Variants in ANKRD42 observed in about 807,000 individuals in gnomAD.
ANKRD42 encodes ankyrin repeat domain-containing protein 42.
In ANKRD42, 43 loss-of-function variants were observed where a neutral mutation model predicts 51.5. The observed-to-expected ratio is 0.83, with a 90% confidence interval of 0.65 to 1.08. The LOEUF (loss-of-function observed/expected upper bound fraction) is 1.08, where lower values mean the gene tolerates loss of function less well. Among genes scored for constraint, ANKRD42 ranks in the 50% least tolerant of loss-of-function variants. The pLI, the probability that ANKRD42 is intolerant of heterozygous loss-of-function variation, is 0.00. For missense variants in ANKRD42, 608 were observed against 629.3 expected (o/e 0.97, Z 0.36); for synonymous variants, 203 against 213.0 (o/e 0.95, Z 0.41).
intron 11 of ANKRD42, chr11:83,255,769 G>A: frequency 8.9e-7 from 1 of 1,117,896 alleles, no homozygotes. Context: ...TTTTTCTTTT[G>A]AACAGGCAAT....
chr11:83,203,072 A>G (rs1449570068), intron 2 of ANKRD42, among the ~76,000 whole-genome samples: 1 of 149,292 alleles, frequency 6.7e-6, no homozygotes, highest in African/African-American at 2.5e-5. Flanking sequence ...GTTCACTGCA[A>G]CCTCTGCCTC....
rs545397294 is a variant in ANKRD42, at chr11:83,206,419, A to C, written c.330+254A>C. ...GAGATCTCACAGTCATAACCAGATT[A>C]TCTCTTTTATAGCTTGCTGCTGTGG... On this transcript the variant is annotated intron_variant, in intron 3 of 10. Transcript: ENST00000533342. Among the ~76,000 whole-genome samples, 3 of 152,300 alleles carry C rather than the reference A, an allele frequency of 2.0e-5. No individual in the cohort carries two copies. In the South Asian group the frequency reaches 6.2e-4, roughly 32 times the overall value.
intron 10 of ANKRD42, among the ~76,000 whole-genome samples, chr11:83,245,920 T>C (rs1156994505): frequency 6.6e-6 from 1 of 152,246 alleles, no homozygotes; most frequent in Non-Finnish European, 1.5e-5. Context: ...ACTGACATTC[T>C]AACATAGTCT....
chr11:83,240,835 G>C lies in ANKRD42; in HGVS notation c.1096G>C (p.Glu366Gln). 5 of 1,614,120 alleles carry C rather than the reference G, an allele frequency of 3.1e-6. No individual in the cohort carries two copies. Among genetic ancestry groups the C allele is most frequent in the Non-Finnish European group, 4.2e-6 (5 of 1,179,986 alleles). Reference sequence around the variant, plus strand: ...TATAGATGACGAAAATGAAATTGATGAAAATGATGTGAAATATTTTATAAG... The same window carrying C: ...TATAGATGACGAAAATGAAATTGATCAAAATGATGTGAAATATTTTATAAG... ...YDIDDENEIDENDVKYFIRHG... is the reference protein window; with the variant it reads ...YDIDDENEIDQNDVKYFIRHG... The change falls in exon 9 of 11, where the codon GAA (glutamate) becomes CAA (glutamine). Residue 366 changes from glutamate to glutamine, a missense_variant. Glu to Gln is a conservative substitution (Grantham distance 29, BLOSUM62 2). Coordinates refer to ENST00000533342, the MANE Select transcript of ANKRD42 (RefSeq NM_001300975.2).
At chr11:83,226,335 C>T (rs1862885014) in intron 6 of ANKRD42, among the ~76,000 whole-genome samples, 1 of 152,054 alleles carries the variant, frequency 6.6e-6, no homozygotes, top group African/African-American at 2.4e-5. Flanking sequence ...TAAACTGAGT[C>T]CTTACTAAAA....
downstream of ANKRD42, among the ~76,000 whole-genome samples, chr11:83,262,282 CATG>C (rs1165208587): frequency 2.0e-5 from 3 of 152,066 alleles, no homozygotes; most frequent in East Asian, 5.8e-4. Context: ...TTTCAGATCT[CATG>C]ATAAATGAAA....
intron 11 of ANKRD42, among the ~76,000 whole-genome samples, chr11:83,254,037 T>C (rs1863719679): frequency 6.6e-6 from 1 of 152,196 alleles, no homozygotes; most frequent in South Asian, 2.1e-4. Flanking sequence ...TTCAGGGTCA[T>C]GATCTTGGCT....
intron 7 of ANKRD42, among the ~76,000 whole-genome samples, chr11:83,228,955 T>C (rs1862984320): frequency 5.8e-5 from 1 of 17,384 alleles, no homozygotes; most frequent in Non-Finnish European, 1.4e-4. Flanking sequence ...TTTTTTTTGT[T>C]TTTTTTTTAA....
chr11:83,258,230 T>C (rs1863806215), downstream of ANKRD42, among the ~76,000 whole-genome samples: 1 of 152,200 alleles, frequency 6.6e-6, no homozygotes, highest in Non-Finnish European at 1.5e-5. Context: ...TTTAAGCCAC[T>C]GCTATTCTGG....
chr11:83,214,912 A>G (rs970993519), intron 5 of ANKRD42: 1 of 152,188 alleles, frequency 6.6e-6, no homozygotes, highest in African/African-American at 2.4e-5. Flanking sequence ...GTAATCGCCA[A>G]TCAATCTACT....
chr11:83,196,896 A>G (rs1417848638), intron 1 of ANKRD42, among the ~76,000 whole-genome samples: 1 of 152,182 alleles, frequency 6.6e-6, no homozygotes, highest in Admixed American at 6.5e-5. Flanking sequence ...GTGACCAACC[A>G]GTGGCAGTTT....
chr11:83,236,466 A>G lies in ANKRD42; in HGVS notation c.976A>G (p.Ile326Val). 6.2e-7 allele frequency: 1 copy of G among 1,612,328 alleles called. No individual in the cohort carries two copies. The highest frequency in any genetic ancestry group is 8.5e-7 in the Non-Finnish European group (1 of 1,179,404). The change falls in exon 8 of 11, where the codon ATT becomes GTT. Residue 326 changes from isoleucine to valine, a missense_variant. Ile to Val is a conservative substitution (Grantham distance 29, BLOSUM62 3). Transcript: ENST00000533342. ...WLIKMGADSN[I>V]TNKAGERPSD... is the part of the protein sequence containing the mutation. ...AATTAAAATGGGAGCAGACAGTAAT[A>G]TTACCAACAAAGCAGGGGAGAGACC...
chr11:83,209,495 C>T lies in ANKRD42; in HGVS notation c.331-805C>T, dbSNP rs1034232824. The stretch of plus-strand genomic sequence containing the variant: ...GCCCAAGGACATAGCCAAGCTGGTC[C>T]GTAAAACCCATTTGATGTCTGAATC... On this transcript the variant is annotated intron_variant, in intron 3 of 10. Coordinates refer to ENST00000533342, the MANE Select transcript of ANKRD42 (RefSeq NM_001300975.2). 2.0e-4 allele frequency: 240 copies of T among 1,176,990 alleles called. No homozygotes were observed. The African/African-American group carries it at 3.1e-3, about 15-fold the overall frequency. The allele number at this position is 1,176,990 out of a possible 1,614,324, so 72.9% of individuals were successfully genotyped here. A position where few individuals can be genotyped will look rare whatever the true frequency, so the allele number is the denominator to read the frequency against.
At chr11:83,219,037 C>T (rs1862630716) in intron 5 of ANKRD42, among the ~76,000 whole-genome samples, 1 of 152,120 alleles carries the variant, frequency 6.6e-6, no homozygotes, top group Admixed American at 6.5e-5. Context: ...TCAAATTTGT[C>T]CCAGTAATTC....
chr11:83,261,732 A>G (rs1037683487), downstream of ANKRD42: 7 of 491,932 alleles, frequency 1.4e-5, no homozygotes, highest in Admixed American at 3.7e-5. Context: ...CTGCACTCAC[A>G]CACACACAAT....
Position 83,247,929 on chromosome 11 carries a change from T to C in ANKRD42, c.1323-14T>C, listed in dbSNP as rs754942410. 6.3e-7 allele frequency: 1 copy of C among 1,575,668 alleles called. No individual in the cohort carries two copies. On this transcript the variant is annotated splice_polypyrimidine_tract_variant and intron_variant, in intron 10 of 10. Transcript: ENST00000533342. ...CATTGATGATTGATTTTTAAAAAATTTTGTTTTTGATAGGACCATCAAAGA... is the reference window on the plus strand; with the variant it reads ...CATTGATGATTGATTTTTAAAAAATCTTGTTTTTGATAGGACCATCAAAGA...
At chr11:83,258,927 C>T (rs1052556309), downstream of ANKRD42, among the ~76,000 whole-genome samples, 8 of 152,118 alleles carry the variant, frequency 5.3e-5, no homozygotes, top group African/African-American at 1.7e-4. Flanking sequence ...AGGATCTACA[C>T]TGTGGCTATA....
intron 3 of ANKRD42, chr11:83,209,257 C>A: frequency 1.6e-6 from 1 of 624,622 alleles, no homozygotes; most frequent in South Asian, 1.9e-5. Flanking sequence ...ATGCTCAAAT[C>A]AGAATGTAAA....
chr11:83,202,887 A>G (rs1482788841), intron 2 of ANKRD42, among the ~76,000 whole-genome samples: 2 of 152,178 alleles, frequency 1.3e-5, no homozygotes, highest in African/African-American at 4.8e-5. Flanking sequence ...TAAGTTCACA[A>G]GAAATGTTTC....
Sources: gnomAD v4.1 joint callset for allele counts (sites outside exome capture counted in the v4.1 genomes callset) on GRCh38, gnomAD v4.1.1 for gene constraint, MANE v1.5 for transcripts, NCBI Gene and HGNC (gene_info 2026-07-23, HGNC 2026-07-21) for gene names.